PPP1R21: variants seen among roughly 807,000 people sequenced by gnomAD.
PPP1R21 encodes KLRAQ motif containing 1.
Under a neutral mutation model 112.8 loss-of-function variants are expected in PPP1R21, and 85 were observed. That is an observed-to-expected ratio of 0.75 (90% CI 0.63 to 0.90). PPP1R21 has a LOEUF of 0.90. Among genes scored for constraint, PPP1R21 ranks in the 40% least tolerant of loss-of-function variants. PPP1R21 has a pLI of 0.00. For synonymous variants in PPP1R21, 381 were observed against 322.3 expected, an observed-to-expected ratio of 1.18 and a Z score of -1.95; for missense variants, 1,199 against 901.5, an observed-to-expected ratio of 1.33 and a Z score of -4.23.
chr2:48,479,348 C>G (rs1023843898), intron 12 of PPP1R21: 2 of 379,752 alleles, frequency 5.3e-6, no homozygotes, highest in African/African-American at 4.3e-5. Context: ...GGTAGTGATT[C>G]TTGGTTTAAA....
At chr2:48,501,568 G>A (rs1017892197) in intron 17 of PPP1R21, among the ~76,000 whole-genome samples, 1 of 152,162 alleles carries the variant, frequency 6.6e-6, no homozygotes, top group East Asian at 1.9e-4. Flanking sequence ...GATAAGTGAT[G>A]GGATGTCTCA....
At chr2:48,462,370 A>G (rs943964887) in intron 7 of PPP1R21, among the ~76,000 whole-genome samples, 2 of 152,208 alleles carry the variant, frequency 1.3e-5, no homozygotes, top group African/African-American at 4.8e-5. Context: ...AAATGTCAAT[A>G]ATATAAACTA....
intron 7 of PPP1R21, among the ~76,000 whole-genome samples, chr2:48,462,263 G>A (rs919704130): frequency 6.6e-6 from 1 of 152,200 alleles, no homozygotes; most frequent in Non-Finnish European, 1.5e-5. Flanking sequence ...TTTGCTGAGT[G>A]CCTAGACAGG....
At chr2:48,511,290 G>A (rs371395051) in intron 20 of PPP1R21, 50 bp from the exon 21 acceptor site, 10 of 1,561,534 alleles carry the variant, frequency 6.4e-6, no homozygotes, top group Non-Finnish European at 8.6e-6. Flanking sequence ...AAGCTTCAGA[G>A]TGGTACGACT....
chr2:48,454,240 A>G (rs1223780948), intron 2 of PPP1R21, among the ~76,000 whole-genome samples: 2 of 152,090 alleles, frequency 1.3e-5, no homozygotes, highest in Non-Finnish European at 2.9e-5. Context: ...CAGCCTGGGC[A>G]ATAGAGCGAG....
Position 48,459,884 on chromosome 2 carries a change from T to C in PPP1R21, c.506T>C (p.Ile169Thr), listed in dbSNP as rs1017221402. 7.4e-6 allele frequency: 12 copies of C among 1,614,020 alleles called. No individual in the cohort carries two copies. Among genetic ancestry groups the C allele is most frequent in the African/African-American group, 2.7e-5 (2 of 74,906 alleles). The part of the protein sequence containing the change: ...DGLTRKYMET[I>T]EKLQNDKAKL... ...CTCACCCGGAAGTACATGGAAACCA[T>C]TGAGAAGCTGCAGAACGACAAGGCT... is the stretch of plus-strand genomic sequence containing the variant. Residue 169 changes from isoleucine to threonine, a missense_variant, in exon 5 of 22, where the codon ATT (isoleucine) becomes ACT (threonine). By Grantham distance (89) the Ile-to-Thr change is moderately conservative (BLOSUM62 -1). Transcript: ENST00000294952.
chr2:48,464,705 A>G (rs1668122372), intron 7 of PPP1R21, among the ~76,000 whole-genome samples: 5 of 152,194 alleles, frequency 3.3e-5, no homozygotes, highest in African/African-American at 1.2e-4. Flanking sequence ...AGAAATGGAA[A>G]CACTGGATTT....
intron 16 of PPP1R21, among the ~76,000 whole-genome samples, chr2:48,498,230 C>A (rs955832924): frequency 5.3e-5 from 8 of 150,624 alleles, no homozygotes; most frequent in African/African-American, 1.9e-4. Context: ...GATTCTAATT[C>A]AATTCTGAGT....
chr2:48,501,859 G>T (rs1200726031), intron 17 of PPP1R21: 3 of 151,586 alleles, frequency 2.0e-5, no homozygotes, highest in Admixed American at 6.6e-5. Flanking sequence ...CTTACTGCTT[G>T]CCTTACTGAG....
intron 17 of PPP1R21, among the ~76,000 whole-genome samples, chr2:48,501,138 G>A (rs910861904): frequency 3.9e-5 from 6 of 152,150 alleles, no homozygotes; most frequent in African/African-American, 1.2e-4. Context: ...ATTTAGCTAC[G>A]GTGTATAAAT....
chr2:48,488,509 G>C (rs984215745), intron 14 of PPP1R21, among the ~76,000 whole-genome samples: 8 of 152,012 alleles, frequency 5.3e-5, no homozygotes, highest in Non-Finnish European at 1.2e-4. Flanking sequence ...TGGGACTAAA[G>C]GTGCCTGCCA....
chr2:48,452,172 T>C (rs771002480), intron 2 of PPP1R21, among the ~76,000 whole-genome samples: 5 of 152,236 alleles, frequency 3.3e-5, no homozygotes, highest in Admixed American at 6.5e-5. Flanking sequence ...GGGAAAGTCT[T>C]TCCTTGTTTG....
chr2:48,466,875 A>AG (rs1668227657), intron 9 of PPP1R21, among the ~76,000 whole-genome samples: 1 of 152,208 alleles, frequency 6.6e-6, no homozygotes, highest in Non-Finnish European at 1.5e-5. Context: ...AGGTTGAAAG[A>AG]GAAAAAATGG....
chr2:48,473,575 G>A (rs994108125), intron 11 of PPP1R21, among the ~76,000 whole-genome samples: 2 of 152,066 alleles, frequency 1.3e-5, no homozygotes, highest in African/African-American at 4.8e-5. Context: ...GCAATTTTGG[G>A]GGCATTGGTT....
In PPP1R21 at chr2:48,510,182, T is replaced by C. The variant is rs79905922; in HGVS notation, c.2184+69T>C. On this transcript the variant is annotated intron_variant, in intron 20 of 21. Transcript: ENST00000294952. ...AAAGTTCTTTGGTAGCAAAGCAGCA[T>C]TTCTTTTCCAAAGGCATTTGATCTC... 4.2e-3 allele frequency: 5,015 copies of C among 1,188,484 alleles called. 162 individuals are homozygous for C. The African/African-American group carries it at 0.068, about 16-fold the overall frequency. The allele number at this position is 1,188,484 out of a possible 1,614,324, so 73.6% of individuals were successfully genotyped here. A position where few individuals can be genotyped will look rare whatever the true frequency, so the allele number is the denominator to read the frequency against.
intron 7 of PPP1R21, among the ~76,000 whole-genome samples, chr2:48,462,644 A>G (rs1053555255): frequency 2.0e-5 from 3 of 152,200 alleles, no homozygotes; most frequent in African/African-American, 7.2e-5. Flanking sequence ...GGGCAAGGAC[A>G]TGTAAGTTCT....
rs1378090929 is a variant in PPP1R21 at position 48,471,322 on chromosome 2, C to G, written c.1043C>G (p.Ser348Cys). Residue 348 changes from serine (S) to cysteine (C), a missense_variant, in exon 11 of 22, where the codon TCC (serine) becomes TGC (cysteine). Coordinates refer to ENST00000294952, the MANE Select transcript of PPP1R21 (RefSeq NM_001135629.3). ...AAAACTTTTTCAGAACACTTAACCT[C>G]CTACATATGTTTTCTTAGGAAGATT... Reference protein sequence around the residue: ...KLKTFSEHLTSYICFLRKILP... With the variant: ...KLKTFSEHLTCYICFLRKILP... 5.0e-6 allele frequency: 8 copies of G among 1,610,508 alleles called. No homozygotes were observed. Among genetic ancestry groups the G allele is most frequent in the Admixed American group, 1.7e-5 (1 of 59,240 alleles).
intron 2 of PPP1R21, among the ~76,000 whole-genome samples, chr2:48,452,860 G>A (rs1473912056): frequency 6.6e-6 from 1 of 151,942 alleles, no homozygotes; most frequent in Non-Finnish European, 1.5e-5. Context: ...TCCTTAATGG[G>A]AGCATATTGT....
intron 14 of PPP1R21, 148 bp from the exon 15 acceptor site, chr2:48,490,870 A>C (rs953666558): frequency 4.6e-6 from 3 of 658,458 alleles, no homozygotes; most frequent in Non-Finnish European, 7.7e-6. Flanking sequence ...TTCTCAAATA[A>C]ATAAATGTGG....
Sources: allele counts gnomAD v4.1 joint callset (sites outside exome capture counted in the v4.1 genomes callset), GRCh38; gene constraint gnomAD v4.1.1; transcripts MANE v1.5; gene names NCBI Gene and HGNC (gene_info 2026-07-23, HGNC 2026-07-21).